EEPD1: variants seen among roughly 807,000 people sequenced by gnomAD.
The protein encoded by EEPD1 is endonuclease/exonuclease/phosphatase family domain-containing protein 1.
Under a neutral mutation model 46.3 loss-of-function variants are expected in EEPD1, and 17 were observed. The observed-to-expected ratio is 0.37, with a 90% CI of 0.25 to 0.55. The LOEUF is 0.55. EEPD1 is among the 20% of genes least tolerant of loss of function. EEPD1 has a pLI of 0.83. For synonymous variants in EEPD1, 313 were observed against 315.6 expected (o/e 0.99, Z 0.09); for missense variants, 673 against 745.6 (o/e 0.90, Z 1.13).
intron 3 of EEPD1, among the ~76,000 whole-genome samples, chr7:36,267,946 G>A (rs1311877363): frequency 6.6e-6 from 1 of 152,194 alleles, no homozygotes; most frequent in East Asian, 1.9e-4. Context: ...ACAGGAAGAA[G>A]GTGACCATCT....
At chr7:36,176,840 A>G (rs561247246) in intron 2 of EEPD1, among the ~76,000 whole-genome samples, 1 of 152,384 alleles carries the variant, frequency 6.6e-6, no homozygotes, top group South Asian at 2.1e-4. Flanking sequence ...AACATATGGC[A>G]TAAAGTTATA....
At chr7:36,283,006 C>T (rs885638) in intron 4 of EEPD1, among the ~76,000 whole-genome samples, 16,562 of 150,884 alleles carry the variant, frequency 0.11, 978 homozygotes, top group East Asian at 0.21. Context: ...GCCATTTCTC[C>T]GATGCCTGAA....
chr7:36,224,516 T>A (rs988906687), intron 2 of EEPD1, among the ~76,000 whole-genome samples: 2 of 152,224 alleles, frequency 1.3e-5, no homozygotes, highest in African/African-American at 4.8e-5. Context: ...GTTTCTATTT[T>A]GAAAAACCAT....
intron 2 of EEPD1, among the ~76,000 whole-genome samples, chr7:36,176,955 G>A (rs1404478542): frequency 2.0e-5 from 3 of 152,232 alleles, no homozygotes; most frequent in East Asian, 1.9e-4. Context: ...TTAAATGTAT[G>A]TGGACTTAAA....
At chr7:36,174,161 T>C (rs1248054773) in intron 2 of EEPD1, among the ~76,000 whole-genome samples, 5 of 152,202 alleles carry the variant, frequency 3.3e-5, no homozygotes, top group Non-Finnish European at 1.5e-5. Context: ...GTCGGGTCCT[T>C]ACCCGACCAG....
Position 36,154,437 on chromosome 7 carries a change from A to G in EEPD1, c.113A>G (p.Glu38Gly), listed in dbSNP as rs1314865197. 1 of 1,614,042 alleles carries G rather than the reference A, an allele frequency of 6.2e-7. No homozygotes were observed. The highest frequency in any genetic ancestry group is 8.5e-7 in the Non-Finnish European group (1 of 1,180,028). The change falls in exon 2 of 8, where the codon GAG (glutamate) becomes GGG (glycine). Residue 38 changes from glutamate (E) to glycine (G), a missense_variant. Physicochemically the swap from Glu to Gly is moderately conservative, Grantham distance 98 (BLOSUM62 -2). Transcript: ENST00000242108. This position sits in a 1 kb window ranked among gnomAD's most constrained non-coding sequence, Gnocchi z 4.2. The stretch of plus-strand genomic sequence containing the variant: ...TTCAGCAACATTCTAGTGAATCAGG[A>G]GCGGCTCAACATCAACACTGCCACG... ...CNFSNILVNQ[E>G]RLNINTATEE...
At chr7:36,290,014 A>G (rs1315687991) in intron 6 of EEPD1, among the ~76,000 whole-genome samples, 1 of 152,224 alleles carries the variant, frequency 6.6e-6, no homozygotes, top group Non-Finnish European at 1.5e-5. Context: ...TCAGGCTAAA[A>G]ACAGTCAGAA....
intron 2 of EEPD1, among the ~76,000 whole-genome samples, chr7:36,220,295 G>T (rs763840151): frequency 2.6e-5 from 4 of 152,128 alleles, no homozygotes; most frequent in Non-Finnish European, 4.4e-5. Flanking sequence ...TCCTTCTTGG[G>T]TGAAAGCATG....
intron 2 of EEPD1, among the ~76,000 whole-genome samples, chr7:36,190,710 G>A (rs772186119): frequency 6.6e-6 from 1 of 152,146 alleles, no homozygotes; most frequent in Non-Finnish European, 1.5e-5. Flanking sequence ...TGGAAGCCTG[G>A]CACACAAAAA....
chr7:36,267,776 A>T (rs1273701190), intron 3 of EEPD1, among the ~76,000 whole-genome samples: 2 of 151,950 alleles, frequency 1.3e-5, no homozygotes, highest in East Asian at 3.9e-4. Flanking sequence ...CCACCCACCA[A>T]CTTGTTATGT....
At chr7:36,173,342 A>AAC (rs1785123313) in intron 2 of EEPD1, among the ~76,000 whole-genome samples, 2 of 150,596 alleles carry the variant, frequency 1.3e-5, no homozygotes, top group Non-Finnish European at 3.0e-5. Flanking sequence ...AAAAAAAAAA[A>AAC]AAAAAACTTA....
At chr7:36,195,487 C>T (rs2115687133) in intron 2 of EEPD1, among the ~76,000 whole-genome samples, 1 of 152,254 alleles carries the variant, frequency 6.6e-6, no homozygotes, top group East Asian at 1.9e-4. Flanking sequence ...GAGTTTCTAG[C>T]AATTTTGCAA....
chr7:36,196,785 G>A (rs954591148), intron 2 of EEPD1, among the ~76,000 whole-genome samples: 1 of 152,190 alleles, frequency 6.6e-6, no homozygotes, highest in Non-Finnish European at 1.5e-5. Flanking sequence ...CCAGCCGCCT[G>A]CCTTGGCCCC....
At chr7:36,232,308 G>A (rs991569192) in intron 2 of EEPD1, among the ~76,000 whole-genome samples, 11 of 151,888 alleles carry the variant, frequency 7.2e-5, no homozygotes, top group African/African-American at 2.2e-4. Context: ...AGGTTCAAGC[G>A]ATTCTCCTGT....
chr7:36,249,743 G>C (rs1418608812), intron 3 of EEPD1, among the ~76,000 whole-genome samples: 1 of 152,168 alleles, frequency 6.6e-6, no homozygotes, highest in Non-Finnish European at 1.5e-5. Context: ...TTCAAGGCTG[G>C]AACATGCCTA....
At chr7:36,293,530 G>C (rs2115897281) in intron 6 of EEPD1, among the ~76,000 whole-genome samples, 1 of 152,262 alleles carries the variant, frequency 6.6e-6, no homozygotes, top group East Asian at 1.9e-4. Context: ...ATGAACTCCT[G>C]ATGCCCCAAG....
intron 2 of EEPD1, among the ~76,000 whole-genome samples, chr7:36,189,118 T>TAGGTGTC (rs968018314): frequency 6.6e-6 from 1 of 152,142 alleles, no homozygotes; most frequent in African/African-American, 2.4e-5. Flanking sequence ...TTGGTGTCTG[T>TAGGTGTC]AGGTGTCAGA....
chr7:36,252,434 T>C (rs1488629200), intron 3 of EEPD1, among the ~76,000 whole-genome samples: 1 of 152,128 alleles, frequency 6.6e-6, no homozygotes. Context: ...GATAGGCTGG[T>C]TTTGTGAACT....
intron 3 of EEPD1, among the ~76,000 whole-genome samples, chr7:36,261,343 GTA>G (rs1332628568): frequency 6.6e-6 from 1 of 152,142 alleles, no homozygotes; most frequent in Non-Finnish European, 1.5e-5. Flanking sequence ...TTGCCCTTGG[GTA>G]TATCCTAAGC....
Sources: gnomAD v4.1 joint callset for allele counts (sites outside exome capture counted in the v4.1 genomes callset) on GRCh38, gnomAD v4.1.1 for gene constraint, Gnocchi (gnomAD v3.1) non-coding constraint, MANE v1.5 for transcripts, NCBI Gene and HGNC (gene_info 2026-07-23, HGNC 2026-07-21) for gene names.